The following KLRK1 variants were observed in gnomAD, a reference collection of about 807,000 sequenced individuals.
KLRK1 encodes the protein killer cell lectin like receptor K1, also known as NKG2-D type II integral membrane protein.
KLRK1 carries 40 observed loss-of-function variants against 31.3 expected under a neutral mutation model. The ratio of observed to expected loss-of-function variants is 1.28; its 90% CI spans 0.99 to 1.67. The LOEUF is 1.67. Among genes scored for constraint, KLRK1 ranks in the 40% most tolerant of loss-of-function variants. The probability of loss-of-function intolerance (pLI) is 0.00; values close to 1 mark genes in which losing one functional copy is unlikely to be tolerated. For missense variants in KLRK1, 251 were observed against 260.0 expected (o/e 0.97, Z 0.24); for synonymous variants, 77 against 77.3 (o/e 1.00, Z 0.02).
chr12:10,378,084 C>CTT (rs753432011), intron 7 of KLRK1, 48 bp downstream of exon 7: 3 of 1,557,764 alleles, frequency 1.9e-6, no homozygotes, highest in Non-Finnish European at 1.8e-6. Flanking sequence ...ACAGGGAAAA[C>CTT]TTAGGAAAAA....
chr12:10,388,409 G>C (rs1863206504), intron 2 of KLRK1, among the ~76,000 whole-genome samples: 1 of 152,050 alleles, frequency 6.6e-6, no homozygotes, highest in Non-Finnish European at 1.5e-5. Flanking sequence ...GCCTGTATTT[G>C]ATAGAAAAAG....
At chr12:10,382,284 C>T (rs1863089956) in intron 3 of KLRK1, 1 of 152,144 alleles carries the variant, frequency 6.6e-6, no homozygotes, top group Non-Finnish European at 1.5e-5. Flanking sequence ...GAGATCACCA[C>T]AAGACATATA....
At chr12:10,377,400 T>A (rs1715139473) in intron 7 of KLRK1, among the ~76,000 whole-genome samples, 1 of 152,160 alleles carries the variant, frequency 6.6e-6, no homozygotes, top group Admixed American at 6.5e-5. Context: ...TTTGTAATGA[T>A]CAATAACTGG....
At chr12:10,383,414 A>AT in intron 3 of KLRK1, among the ~76,000 whole-genome samples, 1 of 152,250 alleles carries the variant, frequency 6.6e-6, no homozygotes, top group East Asian at 1.9e-4. Context: ...GAAGACCATT[A>AT]TATAATGACA....
chr12:10,378,994 A>AAAT (rs1464675701), intron 5 of KLRK1: 6 of 215,938 alleles, frequency 2.8e-5, no homozygotes, highest in African/African-American at 1.4e-4. Context: ...CCTCTACTAA[A>AAAT]AATACAAAAA....
chr12:10,377,149 T>C (rs968383371), intron 7 of KLRK1, among the ~76,000 whole-genome samples: 3 of 152,166 alleles, frequency 2.0e-5, no homozygotes, highest in Non-Finnish European at 4.4e-5. Flanking sequence ...TCAAAACAAG[T>C]GTTGACTAGG....
At chr12:10,378,838 A>G (rs1863013279) in intron 5 of KLRK1, 133 bp from the exon 6 acceptor site, 2 of 1,081,920 alleles carry the variant, frequency 1.8e-6, no homozygotes, top group East Asian at 2.6e-5. Flanking sequence ...TCATAACCAA[A>G]GGCATATCTC....
chr12:10,375,793 CTAGCAT>C (rs1174107047), intron 7 of KLRK1, among the ~76,000 whole-genome samples: 5 of 129,578 alleles, frequency 3.9e-5, no homozygotes, highest in Admixed American at 3.5e-4. Context: ...CTTGAATACT[CTAGCAT>C]TAATCTGGAG....
intron 7 of KLRK1, among the ~76,000 whole-genome samples, chr12:10,374,810 C>CGAG (rs897434875): frequency 3.9e-5 from 6 of 152,186 alleles, no homozygotes; most frequent in African/African-American, 1.2e-4. Context: ...AACTACATCT[C>CGAG]TGACTAGAGT....
At chr12:10,386,001 T>C (rs1256702374) in intron 3 of KLRK1, among the ~76,000 whole-genome samples, 1 of 140,572 alleles carries the variant, frequency 7.1e-6, no homozygotes, top group African/African-American at 2.6e-5. Context: ...TTTTTTTTTT[T>C]ACCTAAGACA....
chr12:10,374,433 G>C (rs11834663), intron 7 of KLRK1, among the ~76,000 whole-genome samples: 11,594 of 141,256 alleles, frequency 0.082, 1,577 homozygotes, highest in African/African-American at 0.29. Context: ...GCTCTTGTCA[G>C]CCAGGCTGGA....
Position 10,373,237 on chromosome 12 carries a change from G to C in KLRK1, c.534-6C>G, listed in dbSNP as rs374639348. The C allele has an allele frequency of 1.3e-6, 2 of 1,567,972 alleles. No homozygotes were observed. Among genetic ancestry groups the C allele is most frequent in the East Asian group, 4.6e-5 (2 of 43,200 alleles). On this transcript the variant is annotated splice_polypyrimidine_tract_variant and splice_region_variant and intron_variant, in intron 7 of 7. Coordinates refer to ENST00000240618, the MANE Select transcript of KLRK1 (RefSeq NM_007360.4). ...GCATTTCAATTATTGTTAGTCTAGAGGAGAGACAATTACAAATTACATACA... is the reference window on the plus strand; with the variant it reads ...GCATTTCAATTATTGTTAGTCTAGACGAGAGACAATTACAAATTACATACA...
At chr12:10,379,540 C>A in intron 4 of KLRK1, 58 bp from the exon 5 acceptor site, 11 of 1,323,942 alleles carry the variant, frequency 8.3e-6, no homozygotes, top group South Asian at 6.1e-5. Flanking sequence ...ATAGTATAAG[C>A]AAATATAGTT....
intron 3 of KLRK1, among the ~76,000 whole-genome samples, chr12:10,382,498 T>C (rs901735994): frequency 6.6e-6 from 1 of 152,110 alleles, no homozygotes; most frequent in African/African-American, 2.4e-5. Flanking sequence ...CCAGCAAAAC[T>C]ATCGACATGA....
intron 3 of KLRK1, among the ~76,000 whole-genome samples, chr12:10,386,132 A>G (rs1374734269): frequency 6.6e-6 from 1 of 151,650 alleles, no homozygotes; most frequent in Non-Finnish European, 1.5e-5. Flanking sequence ...TTTTTTTTCC[A>G]GTGGATATTT....
intron 1 of KLRK1, among the ~76,000 whole-genome samples, chr12:10,389,284 C>T (rs918579787): frequency 2.6e-5 from 4 of 151,652 alleles, no homozygotes; most frequent in African/African-American, 9.7e-5. Context: ...GCAAGCTAAA[C>T]TCAGGTAAGT....
At chr12:10,389,039 A>T in intron 1 of KLRK1, 164 bp from the exon 2 acceptor site, 1 of 492,410 alleles carries the variant, frequency 2.0e-6, no homozygotes, top group Non-Finnish European at 3.6e-6. Flanking sequence ...TTAATTTTAT[A>T]CATTTCTCTT....
In KLRK1 at chr12:10,384,448, T is replaced by C. The variant is rs183747795; in HGVS notation, c.148+2455A>G. Among the ~76,000 whole-genome samples the C allele has an allele frequency of 4.6e-3, 704 of 151,970 alleles. 7 individuals carry two copies. The highest frequency in any genetic ancestry group is 4.6e-3 in the Non-Finnish European group (314 of 67,796). The stretch of plus-strand genomic sequence containing the variant: ...AATAGACAACCCAGGAATAAATCCA[T>C]GTATTATAGCCAACTGATTTTTCCA... On this transcript the variant is annotated intron_variant, in intron 3 of 7. Coordinates refer to ENST00000240618, the MANE Select transcript of KLRK1 (RefSeq NM_007360.4).
In KLRK1 at chr12:10,372,976, C is replaced by T; in HGVS notation, c.*138G>A. On this transcript the variant is annotated 3_prime_UTR_variant, in exon 8 of 8. Transcript: ENST00000240618. ...AGTGAAATTGTTCTATGGTTTGGTC[C>T]TGTGGAGTCTAAGAAATCTGACAGT... is the stretch of plus-strand genomic sequence containing the variant. 2.8e-6 allele frequency: 2 copies of T among 708,874 alleles called. No homozygotes were observed. The highest frequency in any genetic ancestry group is 2.4e-6 in the Non-Finnish European group (1 of 418,516). The allele number at this position is 708,874 out of a possible 1,614,324, so 43.9% of individuals were successfully genotyped here. A position where few individuals can be genotyped will look rare whatever the true frequency, so the allele number is the denominator to read the frequency against.
Sources: gnomAD v4.1 joint callset for allele counts (sites outside exome capture counted in the v4.1 genomes callset) on GRCh38, gnomAD v4.1.1 for gene constraint, MANE v1.5 for transcripts, NCBI Gene and HGNC (gene_info 2026-07-23, HGNC 2026-07-21) for gene names.